HIP1R: variants seen among roughly 807,000 people sequenced by gnomAD.
The protein encoded by HIP1R is huntingtin interacting protein 1 related.
HIP1R carries 135 observed loss-of-function variants against 144.2 expected under a neutral mutation model. The ratio of observed to expected loss-of-function variants is 0.94; its 90% CI spans 0.81 to 1.08. The LOEUF is 1.08. HIP1R is among the 50% of genes least tolerant of loss of function. The probability of loss-of-function intolerance (pLI) is 0.00; values close to 1 mark genes in which losing one functional copy is unlikely to be tolerated. For missense variants in HIP1R, 1,462 were observed against 1,432.8 expected (o/e 1.02, Z -0.33); for synonymous variants, 698 against 612.8 (o/e 1.14, Z -2.05).
rs2271052 is a variant in HIP1R, at chr12:122,862,189, C to T, written c.*436C>T. ...GTGGATGGATGGAAGGCACACAGCC[C>T]GTGCCGGCTGATGGGACGAGGGTCA... On this transcript the variant is annotated 3_prime_UTR_variant, in exon 32 of 32. Coordinates refer to ENST00000253083, the MANE Select transcript of HIP1R (RefSeq NM_003959.3). 1.1e-3 allele frequency: 194 copies of T among 169,288 alleles called. 5 individuals are homozygous for T. The East Asian group carries it at 0.031, about 27-fold the overall frequency. 10.5% of individuals were successfully genotyped at this position (169,288 alleles called of 1,614,324 possible).
Position 122,836,240 on chromosome 12 carries a change from TGG to T in HIP1R, c.93+599_93+600del. On this transcript the variant is annotated intron_variant, in intron 1 of 31. Transcript: ENST00000253083. This position sits in a 1 kb window ranked among gnomAD's most constrained non-coding sequence, Gnocchi z 4.1. ...GGCTGCACAGTCTCCTATTATTTGCTGGGTGAAAAGCTTCTCGTATGTCGCCA... is the reference window on the plus strand; with the variant it reads ...GGCTGCACAGTCTCCTATTATTTGCTGTGAAAAGCTTCTCGTATGTCGCCA... 6.6e-6 allele frequency among the ~76,000 whole-genome samples: 1 copy of T among 152,318 alleles called. No homozygotes were observed. Among genetic ancestry groups the T allele is most frequent in the Middle Eastern group, 3.4e-3 (1 of 294 alleles).
chr12:122,861,621 A>G (rs2033776557), intron 31 of HIP1R, 85 bp from the exon 32 acceptor site: 3 of 1,582,434 alleles, frequency 1.9e-6, no homozygotes, highest in Non-Finnish European at 2.6e-6. Context: ...CACTGACAAC[A>G]TGCAGGGAGG....
intron 1 of HIP1R, among the ~76,000 whole-genome samples, chr12:122,841,260 T>C (rs2033048719): frequency 6.6e-6 from 1 of 152,246 alleles, no homozygotes; most frequent in Non-Finnish European, 1.5e-5. Flanking sequence ...TTGCGCTGCT[T>C]CCACATCTGC....
In HIP1R at chr12:122,855,888, G is replaced by A. The variant is rs1237359569; in HGVS notation, c.1113G>A (p.Glu371=). 2.9e-6 allele frequency: 3 copies of A among 1,017,184 alleles called. No homozygotes were observed. The allele number at this position is 1,017,184 out of a possible 1,614,324, so 63.0% of individuals were successfully genotyped here. A position where few individuals can be genotyped will look rare whatever the true frequency, so the allele number is the denominator to read the frequency against. Residue 371 remains glutamate, a synonymous_variant, in exon 13 of 32, where the codon GAG becomes GAA. Coordinates refer to ENST00000253083, the MANE Select transcript of HIP1R (RefSeq NM_003959.3). ...TGGAAATGCTCCGCTCTGAACTGGA[G>A]AAGATCAAGCTGGAGGTGCGGGGTG... The part of the protein sequence containing the change: ...REVEMLRSEL[E]KIKLEAQRYI...
At chr12:122,852,248 G>T (rs1054569774) in intron 7 of HIP1R, among the ~76,000 whole-genome samples, 1 of 152,260 alleles carries the variant, frequency 6.6e-6, no homozygotes, top group African/African-American at 2.4e-5. Context: ...TGGGTATTCA[G>T]TTCCAGTGGG....
chr12:122,849,561 A>G (rs1306306880), intron 4 of HIP1R, among the ~76,000 whole-genome samples: 1 of 152,260 alleles, frequency 6.6e-6, no homozygotes, highest in Non-Finnish European at 1.5e-5. Flanking sequence ...GGGAGCAGGG[A>G]GGATGTGTCC....
In HIP1R at chr12:122,862,703, T is replaced by G. The variant is rs2033806198; in HGVS notation, c.*950T>G. On this transcript the variant is annotated 3_prime_UTR_variant, in exon 32 of 32. Transcript: ENST00000253083. ...CCCGTCAGATTTGAACGAATGTGTG[T>G]CCCTTGAGCCCAAGGAGAGCGGCAG... The G allele has an allele frequency of 6.6e-6, 1 of 151,850 alleles. No homozygotes were observed. Among genetic ancestry groups the G allele is most frequent in the Non-Finnish European group, 1.5e-5 (1 of 67,940 alleles). The allele number at this position is 151,850 out of a possible 1,614,324, so 9.4% of individuals were successfully genotyped here. A position where few individuals can be genotyped will look rare whatever the true frequency, so the allele number is the denominator to read the frequency against.
In HIP1R at chr12:122,835,592, C is replaced by A; in HGVS notation, c.42C>A (p.Arg14=). ...ACGTGCCGGCGCGGGTGCTGAGCCG[C>A]AGGCCGGGCCACAGCCTGGAGGCCG... ...IKNVPARVLS[R]RPGHSLEAER... is the part of the protein sequence containing the mutation. The change falls in exon 1 of 32, where the codon CGC becomes CGA. Residue 14 remains arginine (R), a synonymous_variant. Transcript: ENST00000253083. The A allele has an allele frequency of 7.4e-7, 1 of 1,344,334 alleles. No individual in the cohort carries two copies. Among genetic ancestry groups the A allele is most frequent in the Non-Finnish European group, 9.6e-7 (1 of 1,039,264 alleles). 83.3% of individuals were successfully genotyped at this position (1,344,334 alleles called of 1,614,324 possible). A position where few individuals can be genotyped will look rare whatever the true frequency, so the allele number is the denominator to read the frequency against.
chr12:122,835,147 G>C (rs1335348834), upstream of HIP1R: 9 of 590,162 alleles, frequency 1.5e-5, no homozygotes, highest in Non-Finnish European at 2.3e-5. Flanking sequence ...GGGAGGAGCT[G>C]GGGGGGCGTT....
chr12:122,856,278 G>T lies in HIP1R; in HGVS notation c.1335G>T (p.Ala445=). Residue 445 remains alanine, a synonymous_variant, in exon 15 of 32, where the codon GCG becomes GCT. Transcript: ENST00000253083. ...EAERKASATE[A]RYNKLKEKHS... ...CAGGGAAGGCCAGTGCCACGGAGGC[G>T]CGCTACAACAAGCTGAAGGAAAAGC... 6.2e-7 allele frequency: 1 copy of T among 1,613,838 alleles called. No homozygotes were observed. Among genetic ancestry groups the T allele is most frequent in the South Asian group, 1.1e-5 (1 of 91,084 alleles).
rs2033574830 is a variant in HIP1R at position 122,856,298 on chromosome 12, A to G, written c.1355A>G (p.Glu452Gly). ...GAGGCGCGCTACAACAAGCTGAAGG[A>G]AAAGCACAGTGAGCTCGTCCATGTG... ...ATEARYNKLK[E>G]KHSELVHVHA... The change falls in exon 15 of 32, where the codon GAA (glutamate) becomes GGA (glycine). Residue 452 changes from glutamate (E) to glycine (G), a missense_variant. Physicochemically the swap from Glu to Gly is moderately conservative, Grantham distance 98. Coordinates refer to ENST00000253083, the MANE Select transcript of HIP1R (RefSeq NM_003959.3). The G allele has an allele frequency of 1.2e-6, 2 of 1,613,908 alleles. No homozygotes were observed. Among genetic ancestry groups the G allele is most frequent in the Non-Finnish European group, 1.7e-6 (2 of 1,180,000 alleles).
chr12:122,858,003 C>A, intron 18 of HIP1R, 99 bp from the exon 19 acceptor site: 1 of 1,102,208 alleles, frequency 9.1e-7, no homozygotes, highest in Non-Finnish European at 1.3e-6. Flanking sequence ...AGGGTCTCAG[C>A]TGGGCTCCAA....
intron 20 of HIP1R, 76 bp from the exon 21 acceptor site, chr12:122,858,762 T>A (rs2033673734): frequency 9.7e-7 from 1 of 1,033,104 alleles, no homozygotes; most frequent in African/African-American, 1.6e-5. Context: ...CTGGGATAGC[T>A]GGCCACCGAC....
At chr12:122,848,372 C>A in intron 2 of HIP1R, 94 bp from the exon 3 acceptor site, 1 of 1,462,998 alleles carries the variant, frequency 6.8e-7, no homozygotes, top group South Asian at 1.3e-5. Flanking sequence ...GATTGGGGGC[C>A]GGCCCTCTTC....
Position 122,859,042 on chromosome 12 carries a change from C to G in HIP1R, c.2159-19C>G. On this transcript the variant is annotated intron_variant, in intron 21 of 31. Transcript: ENST00000253083. ...CTGTCGGTGGGGGGGGCTCCACTCA[C>G]GGTCCTTTCTCACCCCAGGCCTCAT... The G allele has an allele frequency of 1.2e-6, 2 of 1,605,974 alleles. No individual in the cohort carries two copies. The highest frequency in any genetic ancestry group is 1.1e-5 in the South Asian group (1 of 90,314).
chr12:122,846,435 C>A (rs1013885873), intron 1 of HIP1R, among the ~76,000 whole-genome samples: 1 of 152,176 alleles, frequency 6.6e-6, no homozygotes, highest in Non-Finnish European at 1.5e-5. Context: ...ACTCAGGATC[C>A]TTATCATCAT....
intron 7 of HIP1R, 58 bp downstream of exon 7, chr12:122,851,355 G>A (rs1304271291): frequency 5.8e-6 from 8 of 1,389,440 alleles, no homozygotes; most frequent in Non-Finnish European, 7.7e-6. Context: ...CCCAGAGATG[G>A]GACGAGAAGA....
Position 122,856,302 on chromosome 12 carries a change from GCA to G in HIP1R, c.1362_1363del (p.His454GlnfsTer2). The G allele has an allele frequency of 6.2e-7, 1 of 1,613,938 alleles. No homozygotes were observed. Among genetic ancestry groups the G allele is most frequent in the Non-Finnish European group, 8.5e-7 (1 of 1,180,008 alleles). The part of the protein sequence containing the change: ...EARYNKLKEK[H>X]SELVHVHAEL... Reference sequence around the variant, plus strand: ...CGCGCTACAACAAGCTGAAGGAAAAGCACAGTGAGCTCGTCCATGTGCACGCG... The same window carrying G: ...CGCGCTACAACAAGCTGAAGGAAAAGCAGTGAGCTCGTCCATGTGCACGCG... On this transcript the variant is annotated frameshift_variant, in exon 15 of 32. Coordinates refer to ENST00000253083, the MANE Select transcript of HIP1R (RefSeq NM_003959.3). LOFTEE classifies it high-confidence loss of function.
intron 26 of HIP1R, 49 bp from the exon 27 acceptor site, chr12:122,860,374 T>TTGG: frequency 6.3e-7 from 1 of 1,595,120 alleles, no homozygotes; most frequent in Non-Finnish European, 8.6e-7. Context: ...CTTTCCACCT[T>TTGG]TGGTGTCCTT....
Sources: allele counts gnomAD v4.1 joint callset (sites outside exome capture counted in the v4.1 genomes callset), GRCh38; gene constraint gnomAD v4.1.1; non-coding constraint Gnocchi (gnomAD v3.1); transcripts MANE v1.5; gene names NCBI Gene and HGNC (gene_info 2026-07-23, HGNC 2026-07-21).